MTUS2: variants seen among roughly 807,000 people sequenced by gnomAD.
MTUS2 encodes the protein microtubule associated scaffold protein 2.
A neutral mutation model predicts 114.1 loss-of-function variants in MTUS2; 40 were observed. That is an observed-to-expected ratio of 0.35 (90% CI 0.27 to 0.46). The LOEUF is 0.46. Among genes scored for constraint, MTUS2 ranks in the 20% least tolerant of loss-of-function variants. The pLI, the probability that MTUS2 is intolerant of heterozygous loss-of-function variation, is 1.00. For synonymous variants in MTUS2, 688 were observed against 672.0 expected, an observed-to-expected ratio of 1.02 and a Z score of -0.37; for missense variants, 1,679 against 1,705.4, an observed-to-expected ratio of 0.98 and a Z score of 0.27.
intron 8 of MTUS2, chr13:29,428,801 A>G: frequency 1.9e-6 from 3 of 1,613,142 alleles, no homozygotes; most frequent in Non-Finnish European, 2.5e-6. Context: ...GCCCGCTGAC[A>G]CCTTGAATGA....
intron 2 of MTUS2, among the ~76,000 whole-genome samples, chr13:28,881,649 A>G (rs1878297557): frequency 2.0e-5 from 3 of 151,974 alleles, no homozygotes; most frequent in Admixed American, 6.6e-5. Context: ...TGTTTTTTTT[A>G]TCTTTTTAAT....
At chr13:28,862,755 T>C (rs1205885152) in intron 2 of MTUS2, among the ~76,000 whole-genome samples, 1 of 152,170 alleles carries the variant, frequency 6.6e-6, no homozygotes, top group Non-Finnish European at 1.5e-5. Context: ...TTGAAAGTGA[T>C]CATTTTGAAG....
chr13:29,354,976 C>T (rs1566149756), intron 7 of MTUS2, among the ~76,000 whole-genome samples: 1 of 152,186 alleles, frequency 6.6e-6, no homozygotes, highest in Non-Finnish European at 1.5e-5. Flanking sequence ...AAGTTCTGTC[C>T]TATAATTCTT....
chr13:29,312,244 C>G (rs1177865803), intron 6 of MTUS2, among the ~76,000 whole-genome samples: 2 of 152,186 alleles, frequency 1.3e-5, no homozygotes, highest in African/African-American at 4.8e-5. Context: ...TTTACATGTC[C>G]CACTAATTGG....
chr13:28,873,941 C>G (rs1392041360), intron 2 of MTUS2, among the ~76,000 whole-genome samples: 1 of 152,216 alleles, frequency 6.6e-6, no homozygotes, highest in African/African-American at 2.4e-5. Context: ...TTATCCTGCT[C>G]TCTAATCAAC....
At chr13:29,450,844 A>C (rs930805596) in intron 9 of MTUS2, among the ~76,000 whole-genome samples, 2 of 152,218 alleles carry the variant, frequency 1.3e-5, no homozygotes, top group African/African-American at 4.8e-5. Context: ...GCTAGGAATG[A>C]AGTTGGCCAT....
At chr13:29,222,592 G>T (rs1895950978) in intron 5 of MTUS2, among the ~76,000 whole-genome samples, 1 of 151,466 alleles carries the variant, frequency 6.6e-6, no homozygotes, top group Non-Finnish European at 1.5e-5. Context: ...AGTGGGAGAG[G>T]CGTAGCTGGG....
intron 4 of MTUS2, among the ~76,000 whole-genome samples, chr13:29,084,559 A>G (rs1257861586): frequency 1.0e-5 from 1 of 97,564 alleles, no homozygotes; most frequent in Non-Finnish European, 1.9e-5. Context: ...TCCTTTTTTG[A>G]TGGAACCTTG....
intron 5 of MTUS2, among the ~76,000 whole-genome samples, chr13:29,132,515 C>T (rs4590984): frequency 6.6e-6 from 1 of 151,926 alleles, no homozygotes; most frequent in African/African-American, 2.4e-5. Flanking sequence ...CTGCATTTCC[C>T]CCAACCCTCC....
At chr13:29,180,896 A>G (rs1215390497) in intron 5 of MTUS2, among the ~76,000 whole-genome samples, 1 of 152,258 alleles carries the variant, frequency 6.6e-6, no homozygotes, top group Non-Finnish European at 1.5e-5. Flanking sequence ...TCTCTTCAAC[A>G]TAGAAATATT....
intron 2 of MTUS2, among the ~76,000 whole-genome samples, chr13:28,851,780 G>T (rs1417199237): frequency 6.6e-6 from 1 of 151,670 alleles, no homozygotes; most frequent in Non-Finnish European, 1.5e-5. Context: ...CCGGCCCTGT[G>T]GGATGTATCT....
chr13:29,414,378 C>G (rs553745868), intron 8 of MTUS2, among the ~76,000 whole-genome samples: 1 of 113,020 alleles, frequency 8.8e-6, no homozygotes, highest in South Asian at 3.5e-4. Flanking sequence ...GTGGGTGCAG[C>G]GCACCAGCAT....
At chr13:29,043,801 A>T (rs948037876) in intron 4 of MTUS2, among the ~76,000 whole-genome samples, 8 of 151,958 alleles carry the variant, frequency 5.3e-5, no homozygotes, top group Non-Finnish European at 1.2e-4. Flanking sequence ...TTTATATCAG[A>T]TAAACAATTA....
At chr13:29,136,217 T>C (rs1040063262) in intron 5 of MTUS2, among the ~76,000 whole-genome samples, 1 of 152,212 alleles carries the variant, frequency 6.6e-6, no homozygotes, top group Admixed American at 6.5e-5. Flanking sequence ...ACAAACTCCC[T>C]CAACTTTTAT....
At chr13:29,494,424 C>G (rs1291772695) in intron 12 of MTUS2, among the ~76,000 whole-genome samples, 1 of 152,104 alleles carries the variant, frequency 6.6e-6, no homozygotes, top group East Asian at 1.9e-4. Flanking sequence ...GCAGAAACAT[C>G]AGTTTGGTAT....
At chr13:29,032,803 G>C (rs891395088) in intron 3 of MTUS2, among the ~76,000 whole-genome samples, 1 of 152,226 alleles carries the variant, frequency 6.6e-6, no homozygotes, top group African/African-American at 2.4e-5. Context: ...AAATGCTTAT[G>C]ATTCCTGAGA....
intron 5 of MTUS2, among the ~76,000 whole-genome samples, chr13:29,101,973 C>T (rs1166252399): frequency 6.6e-6 from 1 of 151,988 alleles, no homozygotes; most frequent in African/African-American, 2.4e-5. Context: ...ATTACATTTC[C>T]CTTTGTCTTG....
intron 2 of MTUS2, among the ~76,000 whole-genome samples, chr13:28,895,863 AG>A (rs1200051304): frequency 6.6e-6 from 1 of 152,322 alleles, no homozygotes; most frequent in Middle Eastern, 3.4e-3. Context: ...TTGCCAAAAC[AG>A]CTAGTGGTAA....
intron 8 of MTUS2, among the ~76,000 whole-genome samples, chr13:29,379,614 C>T (rs1273917143): frequency 1.3e-5 from 2 of 152,076 alleles, no homozygotes; most frequent in Non-Finnish European, 2.9e-5. Context: ...AAAGAGTCCC[C>T]TAATACCAGA....
Sources: allele counts gnomAD v4.1 joint callset (sites outside exome capture counted in the v4.1 genomes callset), GRCh38; gene constraint gnomAD v4.1.1; transcripts MANE v1.5; gene names NCBI Gene and HGNC (gene_info 2026-07-23, HGNC 2026-07-21).